The following VPS8 variants were observed in gnomAD, a reference collection of about 807,000 sequenced individuals.
VPS8 encodes the protein vacuolar protein sorting-associated protein 8 homolog.
In VPS8, 129 loss-of-function variants were observed where a neutral mutation model predicts 216.4. The observed-to-expected ratio is 0.60, with a 90% CI of 0.52 to 0.69. The LOEUF is 0.69. Among genes scored for constraint, VPS8 ranks in the 30% least tolerant of loss-of-function variants. The probability of loss-of-function intolerance (pLI) is 0.00; values close to 1 mark genes in which losing one functional copy is unlikely to be tolerated. For synonymous variants in VPS8, 571 were observed against 565.4 expected (o/e 1.01, Z -0.14); for missense variants, 1,531 against 1,683.5 (o/e 0.91, Z 1.59).
At chr3:184,897,604 T>C (rs755661173) in intron 23 of VPS8, among the ~76,000 whole-genome samples, 3 of 152,102 alleles carry the variant, frequency 2.0e-5, no homozygotes, top group Non-Finnish European at 4.4e-5. Context: ...AAGAGATGCA[T>C]GATCATGGTA....
chr3:185,012,909 G>A (rs1387237750), intron 45 of VPS8, among the ~76,000 whole-genome samples: 1 of 150,918 alleles, frequency 6.6e-6, no homozygotes, highest in Non-Finnish European at 1.5e-5. Context: ...CATATTTACT[G>A]ACAGCAAGCC....
At chr3:184,999,945 T>C (rs1753177599) in intron 45 of VPS8, 84 bp downstream of exon 45, 3 of 1,445,554 alleles carry the variant, frequency 2.1e-6, no homozygotes, top group Non-Finnish European at 2.8e-6. Flanking sequence ...TTCGGTTCCA[T>C]AGGTCTCAAC....
At chr3:184,956,887 A>G (rs1226564616) in intron 36 of VPS8, among the ~76,000 whole-genome samples, 1 of 152,224 alleles carries the variant, frequency 6.6e-6, no homozygotes, top group East Asian at 1.9e-4. Context: ...TTTACTACTG[A>G]GAAGATACCT....
rs747493203 is a variant in VPS8, at chr3:184,900,985, T to G, written c.2146+13T>G. 6.2e-7 allele frequency: 1 copy of G among 1,602,178 alleles called. No homozygotes were observed. On this transcript the variant is annotated intron_variant, in intron 25 of 47. Transcript: ENST00000625842. The stretch of plus-strand genomic sequence containing the variant: ...AAAACACTAACAGGTATTTATTTTC[T>G]AAGCCTTAATTTTTTGCTTTCCTGT...
At chr3:185,048,406 G>A (rs1169279545) in intron 46 of VPS8, 73 bp from the exon 47 acceptor site, 9 of 1,422,624 alleles carry the variant, frequency 6.3e-6, no homozygotes, top group Non-Finnish European at 8.9e-6. Flanking sequence ...TTATGCTTCA[G>A]CATCGTGTAG....
intron 7 of VPS8, among the ~76,000 whole-genome samples, chr3:184,840,915 C>T (rs1316767486): frequency 6.6e-6 from 1 of 151,958 alleles, no homozygotes. Flanking sequence ...TTCTGTGGGG[C>T]CTTGCATCCT....
Position 184,866,951 on chromosome 3 carries a change from G to A in VPS8, c.1470+1G>A. 6.2e-7 allele frequency: 1 copy of A among 1,612,822 alleles called. No homozygotes were observed. The highest frequency in any genetic ancestry group is 1.1e-5 in the South Asian group (1 of 90,786). On this transcript the variant is annotated splice_donor_variant, in intron 17 of 47. Coordinates refer to ENST00000625842, the MANE Select transcript of VPS8 (RefSeq NM_001009921.3). LOFTEE classifies it high-confidence loss of function. ...TCAGATCTTTTATTTGGGGACAAAA[G>A]TAAGCTCTTTTACTCTGTGAGTTGG...
chr3:184,928,695 T>G (rs561680666), intron 32 of VPS8, among the ~76,000 whole-genome samples, 162 bp downstream of exon 32: 449 of 152,318 alleles, frequency 2.9e-3, no homozygotes, highest in Admixed American at 5.6e-3. Context: ...TTTAATTGAA[T>G]TCTAGAAATT....
Position 184,996,392 on chromosome 3 carries a change from C to T in VPS8, c.3727C>T (p.Leu1243=), listed in dbSNP as rs1561037036. The part of the protein sequence containing the change: ...NQDLHWSLCN[L]RASVTRGLNP... ...AGATCTCCATTGGTCATTGTGTAAC[C>T]TGAGAGCTTCGGTCACCAGAGGACT... The change falls in exon 44 of 48, where the codon CTG becomes TTG. Residue 1243 remains leucine (L), a synonymous_variant. Coordinates refer to ENST00000625842, the MANE Select transcript of VPS8 (RefSeq NM_001009921.3). The T allele has an allele frequency of 6.2e-7, 1 of 1,613,894 alleles. No individual in the cohort carries two copies. The highest frequency in any genetic ancestry group is 8.5e-7 in the Non-Finnish European group (1 of 1,179,836).
In VPS8 at chr3:184,923,415, A is replaced by G. The variant is rs184662456; in HGVS notation, c.2455-1447A>G. 1.4e-4 allele frequency among the ~76,000 whole-genome samples: 21 copies of G among 151,874 alleles called. No individual in the cohort carries two copies. The South Asian group carries it at 1.5e-3, about 11-fold the overall frequency. ...GTCCCCCCTGTCTCTGCCTCTTTCC[A>G]TTTTCATGATCACTGCCTTACTTAA... On this transcript the variant is annotated intron_variant, in intron 29 of 47. Coordinates refer to ENST00000625842, the MANE Select transcript of VPS8 (RefSeq NM_001009921.3).
intron 8 of VPS8, among the ~76,000 whole-genome samples, chr3:184,846,343 G>T (rs1182702973): frequency 6.6e-6 from 1 of 152,160 alleles, no homozygotes; most frequent in Non-Finnish European, 1.5e-5. Context: ...ATGGTATGTG[G>T]GAACAACAGT....
chr3:184,901,088 C>A, intron 25 of VPS8, 116 bp downstream of exon 25: 1 of 847,388 alleles, frequency 1.2e-6, no homozygotes, highest in South Asian at 1.6e-5. Context: ...CATGTACAGT[C>A]ATGTAACACC....
intron 24 of VPS8, among the ~76,000 whole-genome samples, chr3:184,899,150 A>T (rs775520363): frequency 1.3e-5 from 2 of 152,108 alleles, no homozygotes; most frequent in African/African-American, 4.8e-5. Context: ...ATTCATTCTA[A>T]TTTTTTATTC....
intron 22 of VPS8, among the ~76,000 whole-genome samples, chr3:184,892,408 G>C (rs1325447033): frequency 1.3e-5 from 2 of 152,150 alleles, no homozygotes; most frequent in East Asian, 1.9e-4. Context: ...GTAGAGACGG[G>C]GTTTCCCCAG....
intron 7 of VPS8, among the ~76,000 whole-genome samples, chr3:184,843,029 A>G (rs556810913): frequency 6.6e-6 from 1 of 152,142 alleles, no homozygotes; most frequent in East Asian, 1.9e-4. Context: ...TGCTCTAATG[A>G]GAGTATTATG....
At chr3:184,961,515 T>A (rs1188194048) in intron 37 of VPS8, among the ~76,000 whole-genome samples, 1 of 152,170 alleles carries the variant, frequency 6.6e-6, no homozygotes, top group Non-Finnish European at 1.5e-5. Context: ...TGTTTTTGTT[T>A]GTTTATATTA....
At chr3:184,921,652 C>T (rs965701152) in intron 29 of VPS8, among the ~76,000 whole-genome samples, 1 of 152,094 alleles carries the variant, frequency 6.6e-6, no homozygotes, top group Non-Finnish European at 1.5e-5. Flanking sequence ...CAGCTCACTA[C>T]TCCTGGGTTC....
intron 5 of VPS8, among the ~76,000 whole-genome samples, chr3:184,835,952 G>A (rs576849601): frequency 2.0e-5 from 3 of 151,942 alleles, no homozygotes; most frequent in East Asian, 1.9e-4. Flanking sequence ...CTTGTGATCC[G>A]CCCGCCTCAG....
At chr3:184,888,010 CAG>C (rs1731609811) in intron 22 of VPS8, among the ~76,000 whole-genome samples, 1 of 145,944 alleles carries the variant, frequency 6.9e-6, no homozygotes, top group African/African-American at 2.5e-5. Flanking sequence ...TTTTTGGAGA[CAG>C]AATCTCGCTC....
Sources: gnomAD v4.1 joint callset for allele counts (sites outside exome capture counted in the v4.1 genomes callset) on GRCh38, gnomAD v4.1.1 for gene constraint, MANE v1.5 for transcripts, NCBI Gene and HGNC (gene_info 2026-07-23, HGNC 2026-07-21) for gene names.